Variants in MYO7B observed in about 807,000 individuals in gnomAD.
MYO7B encodes myosin VIIB.
Under a neutral mutation model 259.7 loss-of-function variants are expected in MYO7B, and 212 were observed. That is an observed-to-expected ratio of 0.82 (90% CI 0.73 to 0.91). The LOEUF is 0.91. Among genes scored for constraint, MYO7B ranks in the 40% least tolerant of loss-of-function variants. The pLI is 0.00. For synonymous variants in MYO7B, 1,197 were observed against 1,166.4 expected, an observed-to-expected ratio of 1.03 and a Z score of -0.54; for missense variants, 2,732 against 2,813.5, an observed-to-expected ratio of 0.97 and a Z score of 0.66.
intron 1 of MYO7B, among the ~76,000 whole-genome samples, chr2:127,545,390 C>G (rs1052211911): frequency 6.6e-6 from 1 of 152,186 alleles, no homozygotes; most frequent in African/African-American, 2.4e-5. Context: ...GCCCAGGGGC[C>G]CCCTCCTTCC....
chr2:127,632,103 G>T, intron 38 of MYO7B, 143 bp from the exon 39 acceptor site: 1 of 1,002,296 alleles, frequency 1.0e-6, no homozygotes, highest in South Asian at 1.7e-5. Context: ...GGCACAGCTG[G>T]CATGGTGCAG....
At chr2:127,560,102 C>T (rs114983630) in intron 2 of MYO7B, among the ~76,000 whole-genome samples, 2,141 of 151,326 alleles carry the variant, frequency 0.014, 48 homozygotes, top group African/African-American at 0.049. Context: ...TCTCAGCTCA[C>T]GGTGACCTCT....
intron 38 of MYO7B, 119 bp from the exon 39 acceptor site, chr2:127,632,127 C>A: frequency 8.1e-7 from 1 of 1,228,234 alleles, no homozygotes; most frequent in Non-Finnish European, 1.1e-6. Context: ...GGCAGGTGCC[C>A]TCCCCCTCGG....
At chr2:127,593,236 C>T in intron 17 of MYO7B, among the ~76,000 whole-genome samples, 1 of 152,244 alleles carries the variant, frequency 6.6e-6, no homozygotes, top group East Asian at 1.9e-4. Flanking sequence ...CCTACCGCGT[C>T]AGGGAGCCGA....
At position 127,574,056 on chromosome 2, in the gene MYO7B, C is replaced by T; in HGVS notation, c.729C>T (p.Cys243=). 1 of 1,613,932 alleles carries T rather than the reference C, an allele frequency of 6.2e-7. No individual in the cohort carries two copies. The highest frequency in any genetic ancestry group is 8.5e-7 in the Non-Finnish European group (1 of 1,179,874). Residue 243 remains cysteine, a synonymous_variant, in exon 7 of 48, where the codon TGC becomes TGT. Transcript: ENST00000409816. ...EQFLLEKSRV[C]RQAPEERNYH... ...TTCTCCTGGAGAAGTCCCGGGTCTG[C>T]CGGCAGGTGAGGCCTCCCCCTTCCC...
rs889836184 is a variant in MYO7B at position 127,597,974 on chromosome 2, A to G, written c.2339+1418A>G. On this transcript the variant is annotated intron_variant, in intron 19 of 47. Transcript: ENST00000409816. This position sits in a 1 kb window ranked among gnomAD's most constrained non-coding sequence, Gnocchi z 4.8. ...ACTTTTTATTGCTCGGTGGTATTCT[A>G]TGGGATGGATACACCACAGTTTGTT... Among the ~76,000 whole-genome samples the G allele has an allele frequency of 1.3e-5, 2 of 152,034 alleles. No individual in the cohort carries two copies. The highest frequency in any genetic ancestry group is 2.9e-5 in the Non-Finnish European group (2 of 68,016).
chr2:127,541,831 TC>T (rs1199148550), intron 1 of MYO7B, among the ~76,000 whole-genome samples: 2 of 152,202 alleles, frequency 1.3e-5, no homozygotes, highest in East Asian at 3.9e-4. Flanking sequence ...TTCGCTGACT[TC>T]CCCAGGAGGG....
intron 7 of MYO7B, among the ~76,000 whole-genome samples, chr2:127,574,453 T>C (rs1678781556): frequency 1.3e-5 from 2 of 152,294 alleles, no homozygotes; most frequent in Middle Eastern, 3.4e-3. Context: ...GGCATGAGAA[T>C]TGCTTGAGCC....
chr2:127,625,639 C>A (rs11693142), intron 31 of MYO7B, 104 bp downstream of exon 31: 2 of 1,216,092 alleles, frequency 1.6e-6, no homozygotes, highest in Non-Finnish European at 2.2e-6. Context: ...ACAACCCCCA[C>A]CCCCTGGGGA....
At chr2:127,543,546 C>T (rs1157223935) in intron 1 of MYO7B, among the ~76,000 whole-genome samples, 2 of 152,146 alleles carry the variant, frequency 1.3e-5, no homozygotes, top group Admixed American at 1.3e-4. Flanking sequence ...TTCTTTTCCC[C>T]ACAAAGGAAA....
At chr2:127,544,916 G>A (rs2104801425) in intron 1 of MYO7B, among the ~76,000 whole-genome samples, 1 of 151,798 alleles carries the variant, frequency 6.6e-6, no homozygotes, top group East Asian at 1.9e-4. Context: ...TAGTAGAGAT[G>A]GGGTTTCACT....
intron 27 of MYO7B, among the ~76,000 whole-genome samples, chr2:127,621,769 T>C (rs1416206627): frequency 6.6e-6 from 1 of 152,150 alleles, no homozygotes; most frequent in East Asian, 1.9e-4. Flanking sequence ...TGACAAAGAG[T>C]GTGCACACAT....
Position 127,565,339 on chromosome 2 carries a change from G to C in MYO7B, c.239G>C (p.Gly80Ala). Residue 80 changes from glycine (G) to alanine (A), a missense_variant, in exon 4 of 48, where the codon GGC (glycine) becomes GCC (alanine). By Grantham distance (60) the Gly-to-Ala change is moderately conservative. Coordinates refer to ENST00000409816, the MANE Select transcript of MYO7B (RefSeq NM_001393586.1). ...CGCCTGGGGGACCTGAACGAGGCAG[G>C]CATGGTGCACAACCTCCTGATCCGC... Reference protein sequence around the residue: ...MIRLGDLNEAGMVHNLLIRYQ... With the variant: ...MIRLGDLNEAAMVHNLLIRYQ... The C allele has an allele frequency of 6.2e-7, 1 of 1,614,032 alleles. No homozygotes were observed. Among genetic ancestry groups the C allele is most frequent in the Non-Finnish European group, 8.5e-7 (1 of 1,179,882 alleles).
At position 127,615,338 on chromosome 2, in the gene MYO7B, C is replaced by A. The variant is rs1680530693; in HGVS notation, c.3398+2735C>A. On this transcript the variant is annotated intron_variant, in intron 26 of 47. Transcript: ENST00000409816. The surrounding 1 kb of genome is among the most constrained non-coding windows in gnomAD (Gnocchi z 4.4). ...TACTACTGTCACTACTTGAGACCAT[C>A]GTTATGAGACAGAACAAAGGGGGAT... Among the ~76,000 whole-genome samples, 5 of 152,038 alleles carry A rather than the reference C, an allele frequency of 3.3e-5. No individual in the cohort carries two copies. Among genetic ancestry groups the A allele is most frequent in the Admixed American group, 3.3e-4 (5 of 15,258 alleles).
At position 127,609,737 on chromosome 2, in the gene MYO7B, T is replaced by C; in HGVS notation, c.3024+22T>C. On this transcript the variant is annotated intron_variant, in intron 23 of 47. Coordinates refer to ENST00000409816, the MANE Select transcript of MYO7B (RefSeq NM_001393586.1). The surrounding 1 kb of genome is among the most constrained non-coding windows in gnomAD (Gnocchi z 6.9). ...CTTGGTACCAGGGTTCACTGGCTTC[T>C]AGTGGATCAGGCCAGCCCCGAGCCT... 1 of 1,613,822 alleles carries C rather than the reference T, an allele frequency of 6.2e-7. No homozygotes were observed. The highest frequency in any genetic ancestry group is 8.5e-7 in the Non-Finnish European group (1 of 1,179,774).
intron 1 of MYO7B, among the ~76,000 whole-genome samples, chr2:127,556,946 A>G (rs1280205409): frequency 6.6e-6 from 1 of 152,174 alleles, no homozygotes; most frequent in Non-Finnish European, 1.5e-5. Context: ...AAGGCCAGGA[A>G]GGTTTTCCTT....
intron 7 of MYO7B, among the ~76,000 whole-genome samples, chr2:127,574,559 T>G (rs1284849569): frequency 6.6e-6 from 1 of 152,222 alleles, no homozygotes; most frequent in Non-Finnish European, 1.5e-5. Flanking sequence ...TTTTCTCCAT[T>G]TTGAATTTTC....
intron 1 of MYO7B, among the ~76,000 whole-genome samples, chr2:127,557,546 G>A (rs1677882620): frequency 6.6e-6 from 1 of 152,138 alleles, no homozygotes; most frequent in Admixed American, 6.5e-5. Flanking sequence ...TCAGAGGGAA[G>A]TTCTGGGACT....
intron 31 of MYO7B, 22 bp from the exon 32 acceptor site, chr2:127,626,953 G>A: frequency 6.3e-7 from 1 of 1,593,334 alleles, no homozygotes; most frequent in Non-Finnish European, 8.6e-7. Flanking sequence ...TGACGGAGGT[G>A]ACATCCAGGA....
Sources: allele counts gnomAD v4.1 joint callset (sites outside exome capture counted in the v4.1 genomes callset), GRCh38; gene constraint gnomAD v4.1.1; non-coding constraint Gnocchi (gnomAD v3.1); transcripts MANE v1.5; gene names NCBI Gene and HGNC (gene_info 2026-07-23, HGNC 2026-07-21).